SLC49A4: variants seen among roughly 807,000 people sequenced by gnomAD.
SLC49A4 encodes disrupted in renal cancer protein 2.
Under a neutral mutation model 50.6 loss-of-function variants are expected in SLC49A4, and 36 were observed. The observed-to-expected ratio is 0.71, with a 90% CI of 0.55 to 0.94. SLC49A4 has a LOEUF of 0.94. Ranked by LOEUF, SLC49A4 falls within the 40% of genes least tolerant of loss-of-function variation. SLC49A4 has a pLI of 0.00. For synonymous variants in SLC49A4, 248 were observed against 241.2 expected (o/e 1.03, Z -0.26); for missense variants, 503 against 605.7 (o/e 0.83, Z 1.78).
chr3:122,863,442 T>G (rs1937080891), intron 7 of SLC49A4, among the ~76,000 whole-genome samples: 1 of 152,240 alleles, frequency 6.6e-6, no homozygotes. Context: ...AGTCAGCAAT[T>G]GTGGTCACTC....
intron 8 of SLC49A4, among the ~76,000 whole-genome samples, chr3:122,874,512 A>G (rs1971774): frequency 0.93 from 141,870 of 152,316 alleles, 66,925 homozygotes; most frequent in South Asian, 1. Context: ...TTCTGACCAC[A>G]TGTTCTTATA....
chr3:122,873,215 G>A (rs920053403), intron 8 of SLC49A4, among the ~76,000 whole-genome samples: 13 of 151,128 alleles, frequency 8.6e-5, no homozygotes, highest in African/African-American at 2.4e-4. Context: ...AATCTAACTC[G>A]GTTGCCCAGG....
At chr3:122,838,820 A>G (rs947673062) in intron 4 of SLC49A4, among the ~76,000 whole-genome samples, 3 of 152,172 alleles carry the variant, frequency 2.0e-5, no homozygotes, top group African/African-American at 7.2e-5. Context: ...TGCCCAAAGC[A>G]ATCTACAGAT....
chr3:122,842,275 A>G (rs547657272), intron 4 of SLC49A4, among the ~76,000 whole-genome samples: 1 of 152,116 alleles, frequency 6.6e-6, no homozygotes, highest in South Asian at 2.1e-4. Context: ...TCACGAGGTC[A>G]GGAGATCGAG....
intron 1 of SLC49A4, among the ~76,000 whole-genome samples, chr3:122,803,813 G>A (rs1936170858): frequency 6.6e-6 from 1 of 152,184 alleles, no homozygotes. Flanking sequence ...AGCAAAAGGA[G>A]TTATCACATC....
intron 1 of SLC49A4, among the ~76,000 whole-genome samples, chr3:122,801,158 A>C (rs1936122092): frequency 6.6e-6 from 1 of 152,222 alleles, no homozygotes; most frequent in Non-Finnish European, 1.5e-5. Context: ...GGACCATGGA[A>C]TCTAAGGAGG....
intron 3 of SLC49A4, 134 bp from the exon 4 acceptor site, chr3:122,833,183 G>A: frequency 1.2e-6 from 1 of 813,844 alleles, no homozygotes; most frequent in Non-Finnish European, 1.9e-6. Context: ...CAAGTCTGTA[G>A]TGAGCCATGT....
chr3:122,796,873 A>T (rs1471608174), intron 1 of SLC49A4, among the ~76,000 whole-genome samples: 1 of 152,136 alleles, frequency 6.6e-6, no homozygotes, highest in East Asian at 1.9e-4. Context: ...ACAGGGCAAG[A>T]CTCGTCTCAG....
At position 122,844,647 on chromosome 3, in the gene SLC49A4, T is replaced by A. The variant is rs549298500; in HGVS notation, c.834-1116T>A. Among the ~76,000 whole-genome samples the A allele has an allele frequency of 3.9e-5, 6 of 152,212 alleles. No homozygotes were observed. In the South Asian group the frequency reaches 1.2e-3, roughly 32 times the overall value. On this transcript the variant is annotated intron_variant, in intron 4 of 8. Coordinates refer to ENST00000261038, the MANE Select transcript of SLC49A4 (RefSeq NM_032839.3). Reference sequence around the variant, plus strand: ...AAATACAAAAATTAGCTGGGTGTGCTGGCAGGTGCCTGTAATTCCAGCTCT... The same window carrying A: ...AAATACAAAAATTAGCTGGGTGTGCAGGCAGGTGCCTGTAATTCCAGCTCT...
intron 1 of SLC49A4, among the ~76,000 whole-genome samples, chr3:122,805,384 T>C (rs909833952): frequency 6.6e-6 from 1 of 152,246 alleles, no homozygotes; most frequent in Non-Finnish European, 1.5e-5. Context: ...GATCTCAAGT[T>C]TATTTTCTTT....
chr3:122,852,051 C>T (rs4678218), intron 5 of SLC49A4, among the ~76,000 whole-genome samples: 64,375 of 146,994 alleles, frequency 0.44, 15,029 homozygotes, highest in South Asian at 0.55. Flanking sequence ...TAGAGTGCAG[C>T]GGCGTGATCA....
At chr3:122,812,768 T>C (rs1936316325) in intron 2 of SLC49A4, among the ~76,000 whole-genome samples, 1 of 152,236 alleles carries the variant, frequency 6.6e-6, no homozygotes, top group African/African-American at 2.4e-5. Flanking sequence ...AATGTCTTAT[T>C]TTAAAGCAGA....
intron 5 of SLC49A4, among the ~76,000 whole-genome samples, chr3:122,853,729 C>T (rs1296106128): frequency 2.0e-5 from 3 of 152,118 alleles, no homozygotes; most frequent in Non-Finnish European, 2.9e-5. Context: ...CACTATACTC[C>T]GGCCTGGGTG....
chr3:122,874,025 TAG>T lies in SLC49A4; in HGVS notation c.1321+1431_1321+1432del, dbSNP rs529004051. Among the ~76,000 whole-genome samples, 49 of 152,286 alleles carry T rather than the reference TAG, an allele frequency of 3.2e-4. No homozygotes were observed. The South Asian group carries it at 6.4e-3, about 20-fold the overall frequency. ...CATGGTTTTTCCTGTCAGCTAGAAA[TAG>T]AGTTTTGTCCTCCCAGTATTTAAAA... On this transcript the variant is annotated intron_variant, in intron 8 of 8. Coordinates refer to ENST00000261038, the MANE Select transcript of SLC49A4 (RefSeq NM_032839.3).
Position 122,795,498 on chromosome 3 carries a change from G to A in SLC49A4, c.306G>A (p.Leu102=), listed in dbSNP as rs1163240859. 2 of 1,602,448 alleles carry A rather than the reference G, an allele frequency of 1.2e-6. No individual in the cohort carries two copies. Among genetic ancestry groups the A allele is most frequent in the Non-Finnish European group, 8.5e-7 (1 of 1,178,476 alleles). Residue 102 remains leucine, a synonymous_variant, in exon 1 of 9, where the codon CTG becomes CTA. Transcript: ENST00000261038. ...LLVLWGPIGF[L]PCFAFMWLLD... ...TGCTGTGGGGGCCCATCGGCTTCCT[G>A]CCCTGCTTCGCGTTCATGTGGCTCC...
Position 122,806,939 on chromosome 3 carries a change from C to A in SLC49A4, c.426C>A (p.Ile142=). 1 of 1,583,676 alleles carries A rather than the reference C, an allele frequency of 6.3e-7. No individual in the cohort carries two copies. The highest frequency in any genetic ancestry group is 8.7e-7 in the Non-Finnish European group (1 of 1,155,208). ...GLRCIPISDL[I]LKRRLIHGGQ... ...GATGCATACCTATATCAGACTTAAT[C>A]CTTAAAAGAAGGTAAATCCTGTAAA... The change falls in exon 2 of 9, where the codon ATC becomes ATA. Residue 142 remains isoleucine (I), a synonymous_variant. Transcript: ENST00000261038.
chr3:122,850,511 A>AT (rs34348304), intron 5 of SLC49A4, among the ~76,000 whole-genome samples: 25,973 of 145,880 alleles, frequency 0.18, 3,016 homozygotes, highest in East Asian at 0.5. Context: ...TTTTGAGTTG[A>AT]TTTTTTTTTT....
intron 2 of SLC49A4, among the ~76,000 whole-genome samples, chr3:122,822,476 T>G (rs1393578185): frequency 6.6e-6 from 1 of 152,232 alleles, no homozygotes; most frequent in African/African-American, 2.4e-5. Context: ...TAAATCTAGA[T>G]TTCGATTTCC....
At chr3:122,873,183 CTTT>C (rs11297324) in intron 8 of SLC49A4, among the ~76,000 whole-genome samples, 1 of 145,738 alleles carries the variant, frequency 6.9e-6, no homozygotes, top group Non-Finnish European at 1.5e-5. Context: ...AATTTTGAAA[CTTT>C]TTTTTTTTTT....
Sources: gnomAD v4.1 joint callset for allele counts (sites outside exome capture counted in the v4.1 genomes callset) on GRCh38, gnomAD v4.1.1 for gene constraint, MANE v1.5 for transcripts, NCBI Gene and HGNC (gene_info 2026-07-23, HGNC 2026-07-21) for gene names.